MTA3: variants seen among roughly 807,000 people sequenced by gnomAD.
The protein encoded by MTA3 is metastasis associated 1 family member 3.
Under a neutral mutation model 83.5 loss-of-function variants are expected in MTA3, and 34 were observed. The observed-to-expected ratio is 0.41, with a 90% CI of 0.31 to 0.54. The LOEUF (loss-of-function observed/expected upper bound fraction) is 0.54, where lower values mean the gene tolerates loss of function less well. Among genes scored for constraint, MTA3 ranks in the 20% least tolerant of loss-of-function variants. MTA3 has a pLI of 0.33. For synonymous variants in MTA3, 303 were observed against 252.7 expected (o/e 1.20, Z -1.89); for missense variants, 761 against 726.4 (o/e 1.05, Z -0.55).
chr2:42,496,378 G>C (rs1674136542), intron 2 of MTA3, among the ~76,000 whole-genome samples: 1 of 152,164 alleles, frequency 6.6e-6, no homozygotes, highest in Non-Finnish European at 1.5e-5. Flanking sequence ...CAGTGATGCA[G>C]AAATGATAGG....
chr2:42,573,535 G>T (rs1031786507), intron 2 of MTA3, among the ~76,000 whole-genome samples: 1 of 152,036 alleles, frequency 6.6e-6, no homozygotes, highest in Non-Finnish European at 1.5e-5. Flanking sequence ...TGTTGCTATG[G>T]ATTCTTGCTC....
intron 2 of MTA3, among the ~76,000 whole-genome samples, chr2:42,500,999 A>G (rs1457476795): frequency 6.6e-6 from 1 of 151,934 alleles, no homozygotes; most frequent in African/African-American, 2.4e-5. Context: ...TTTAGTAGAG[A>G]CGGGGTTTCA....
chr2:42,753,835 G>A lies in MTA3; in HGVS notation c.*436G>A, dbSNP rs1318223826. Reference sequence around the variant, plus strand: ...TACTAAATATGTACAGGAGGGCCATGGCATCTTTCTGAATGGATTTTTCTT... The same window carrying A: ...TACTAAATATGTACAGGAGGGCCATAGCATCTTTCTGAATGGATTTTTCTT... On this transcript the variant is annotated 3_prime_UTR_variant, in exon 17 of 17. Coordinates refer to ENST00000405094, the MANE Select transcript of MTA3 (RefSeq NM_001330442.2). 19 of 992,712 alleles carry A rather than the reference G, an allele frequency of 1.9e-5. No homozygotes were observed. The highest frequency in any genetic ancestry group is 2.3e-5 in the Non-Finnish European group (19 of 834,970). The allele number at this position is 992,712 out of a possible 1,614,324, so 61.5% of individuals were successfully genotyped here.
chr2:42,603,389 CA>C (rs1466764077), intron 3 of MTA3, among the ~76,000 whole-genome samples: 5 of 151,984 alleles, frequency 3.3e-5, no homozygotes, highest in Non-Finnish European at 5.9e-5. Context: ...AAATTGATAG[CA>C]AGTGAAAAAT....
At chr2:42,746,027 T>C (rs1006628256) in intron 16 of MTA3, among the ~76,000 whole-genome samples, 8 of 151,712 alleles carry the variant, frequency 5.3e-5, no homozygotes, top group Non-Finnish European at 1.0e-4. Flanking sequence ...TTAGCCAGGA[T>C]GGTCTCGATC....
chr2:42,731,604 A>G (rs1476260573), intron 16 of MTA3, among the ~76,000 whole-genome samples: 2 of 152,118 alleles, frequency 1.3e-5, no homozygotes, highest in Non-Finnish European at 2.9e-5. Context: ...TCCCCCTCCC[A>G]CAACACATGG....
At chr2:42,695,959 C>A in intron 10 of MTA3, 120 bp downstream of exon 10, 1 of 600,578 alleles carries the variant, frequency 1.7e-6, no homozygotes. Context: ...TTCCAGACTA[C>A]TTTAAACTAC....
At chr2:42,663,247 A>C (rs1689902093) in intron 8 of MTA3, among the ~76,000 whole-genome samples, 1 of 152,138 alleles carries the variant, frequency 6.6e-6, no homozygotes, top group Non-Finnish European at 1.5e-5. Flanking sequence ...TTCTCGTGGC[A>C]GCTGGGCTGA....
At chr2:42,518,994 CACACACACA>C (rs1368985666) in intron 2 of MTA3, among the ~76,000 whole-genome samples, 1 of 146,498 alleles carries the variant, frequency 6.8e-6, no homozygotes, top group East Asian at 2.0e-4. Context: ...CACACACACA[CACACACACA>C]CACACACACA....
chr2:42,575,424 C>T (rs1678934377), intron 2 of MTA3, among the ~76,000 whole-genome samples: 3 of 152,178 alleles, frequency 2.0e-5, no homozygotes, highest in Non-Finnish European at 4.4e-5. Flanking sequence ...TAATTAATTT[C>T]TGAAATGTCT....
intron 2 of MTA3, among the ~76,000 whole-genome samples, chr2:42,549,381 T>C (rs1380253373): frequency 8.3e-6 from 1 of 119,998 alleles, no homozygotes; most frequent in Admixed American, 1.1e-4. Context: ...GTATATAAAA[T>C]ATATGTATAT....
chr2:42,526,692 G>T (rs1416327821), intron 2 of MTA3, among the ~76,000 whole-genome samples: 1 of 152,088 alleles, frequency 6.6e-6, no homozygotes, highest in Non-Finnish European at 1.5e-5. Context: ...TGAAACAACA[G>T]GGTGAATAAA....
intron 2 of MTA3, among the ~76,000 whole-genome samples, chr2:42,514,292 T>C (rs1371627069): frequency 6.6e-6 from 1 of 152,184 alleles, no homozygotes; most frequent in Non-Finnish European, 1.5e-5. Flanking sequence ...GAGAAGAAAA[T>C]TGTGCTTTGT....
In MTA3 at chr2:42,634,526, T is replaced by A. The variant is rs140491166; in HGVS notation, c.318-5647T>A. On this transcript the variant is annotated intron_variant, in intron 4 of 16. Transcript: ENST00000405094. ...CAGATCATGTGAGAACTCACTATCATGAAACTGCCCCCGTGATCCAATCAC... is the reference window on the plus strand; with the variant it reads ...CAGATCATGTGAGAACTCACTATCAAGAAACTGCCCCCGTGATCCAATCAC... Among the ~76,000 whole-genome samples, 14 of 152,288 alleles carry A rather than the reference T, an allele frequency of 9.2e-5. No homozygotes were observed. The East Asian group carries it at 2.7e-3, about 29-fold the overall frequency.
intron 4 of MTA3, among the ~76,000 whole-genome samples, chr2:42,639,064 T>C (rs936087339): frequency 1.5e-5 from 2 of 137,468 alleles, no homozygotes; most frequent in African/African-American, 5.6e-5. Context: ...TCTTTCTTTC[T>C]TTTTTTTTTT....
intron 11 of MTA3, 83 bp from the exon 12 acceptor site, chr2:42,704,111 G>T: frequency 7.1e-7 from 1 of 1,403,630 alleles, no homozygotes. Context: ...TTATTAAATA[G>T]TGACGGTAAA....
intron 3 of MTA3, among the ~76,000 whole-genome samples, chr2:42,580,482 C>T (rs1230761805): frequency 6.6e-6 from 1 of 152,078 alleles, no homozygotes; most frequent in Non-Finnish European, 1.5e-5. Context: ...GGCGACTCTC[C>T]TGCCTCAGCC....
intron 4 of MTA3, among the ~76,000 whole-genome samples, chr2:42,621,317 G>C (rs1443859421): frequency 2.6e-5 from 4 of 152,108 alleles, no homozygotes; most frequent in African/African-American, 7.2e-5. Flanking sequence ...CTTGAGATTA[G>C]GGAGTGGTGA....
intron 6 of MTA3, among the ~76,000 whole-genome samples, chr2:42,652,002 C>G (rs905840634): frequency 3.3e-5 from 5 of 151,860 alleles, no homozygotes; most frequent in African/African-American, 1.2e-4. Flanking sequence ...GAGGCTGAGG[C>G]AGGAGAATGA....
Sources: gnomAD v4.1 joint callset for allele counts (sites outside exome capture counted in the v4.1 genomes callset) on GRCh38, gnomAD v4.1.1 for gene constraint, MANE v1.5 for transcripts, NCBI Gene and HGNC (gene_info 2026-07-23, HGNC 2026-07-21) for gene names.